The following SKIC2 variants were observed in gnomAD, a reference collection of about 807,000 sequenced individuals.
SKIC2 encodes superkiller complex protein 2.
At chr6:31,963,997 C>T in the SKIC2 span, 80 of 1,612,484 alleles carry the variant, frequency 5.0e-5, no homozygotes, top group Non-Finnish European at 6.3e-5. The surrounding 1 kb of genome is among the most constrained non-coding windows in gnomAD (Gnocchi z 5.3). Context: ...CTCCCGGGGC[C>T]GCTGTGATGA....
the SKIC2 span, chr6:31,959,642 G>A: frequency 3.6e-6 from 2 of 557,156 alleles, no homozygotes; most frequent in African/African-American, 3.8e-5. Context: ...TTTCTCCGTG[G>A]AGCTCCCTTC....
the SKIC2 span, chr6:31,969,335 G>C: frequency 6.2e-7 from 1 of 1,614,268 alleles, no homozygotes; most frequent in South Asian, 1.1e-5. The surrounding 1 kb of genome is among the most constrained non-coding windows in gnomAD (Gnocchi z 6.1). Flanking sequence ...CAGGTGGCTT[G>C]TGGCCTGAAC....
At chr6:31,961,325 C>T in the SKIC2 span, 6 of 1,592,842 alleles carry the variant, frequency 3.8e-6, no homozygotes, top group Non-Finnish European at 4.3e-6. Flanking sequence ...GACACTGTTT[C>T]AGCCTCTCCC....
At chr6:31,961,216 G>A in the SKIC2 span, 4 of 1,613,994 alleles carry the variant, frequency 2.5e-6, no homozygotes, top group African/African-American at 4.0e-5. Context: ...TCCAGCTCCT[G>A]GACTACTAAG....
At chr6:31,968,253 G>A in the SKIC2 span, 11 of 1,452,172 alleles carry the variant, frequency 7.6e-6, no homozygotes, top group East Asian at 2.5e-4. This position sits in a 1 kb window ranked among gnomAD's most constrained non-coding sequence, Gnocchi z 6.1. Context: ...TAGTAAGAGG[G>A]CTTCCACAGC....
chr6:31,966,019 C>T, the SKIC2 span: 9 of 1,563,798 alleles, frequency 5.8e-6, no homozygotes, highest in East Asian at 2.3e-5. This position sits in a 1 kb window ranked among gnomAD's most constrained non-coding sequence, Gnocchi z 5.9. Context: ...TGATGGTGAG[C>T]GGGCCAGCAT....
the SKIC2 span, chr6:31,959,794 T>C: frequency 3.5e-6 from 2 of 577,074 alleles, no homozygotes; most frequent in Non-Finnish European, 3.1e-6. Flanking sequence ...AGGGAGCTTT[T>C]TAAAAATGCA....
At chr6:31,968,212 C>T in the SKIC2 span, 29 of 1,460,146 alleles carry the variant, frequency 2.0e-5, no homozygotes, top group Non-Finnish European at 2.6e-5. This position sits in a 1 kb window ranked among gnomAD's most constrained non-coding sequence, Gnocchi z 6.1. Flanking sequence ...GGGGCTCCCC[C>T]AGCCTAAGGG....
the SKIC2 span, chr6:31,969,646 C>G: frequency 6.2e-7 from 1 of 1,611,666 alleles, no homozygotes; most frequent in Non-Finnish European, 8.5e-7. This position sits in a 1 kb window ranked among gnomAD's most constrained non-coding sequence, Gnocchi z 6.1. Context: ...TGCTGGGTGC[C>G]AAGATGGAGA....
At chr6:31,967,567 G>T in the SKIC2 span, 12 of 917,106 alleles carry the variant, frequency 1.3e-5, no homozygotes, top group Non-Finnish European at 1.9e-5. This position sits in a 1 kb window ranked among gnomAD's most constrained non-coding sequence, Gnocchi z 4.9. Context: ...CAAGAAGTCT[G>T]CTCTGATCGC....
At chr6:31,965,834 A>G in the SKIC2 span, 3 of 1,612,878 alleles carry the variant, frequency 1.9e-6, no homozygotes, top group Admixed American at 3.3e-5. The surrounding 1 kb of genome is among the most constrained non-coding windows in gnomAD (Gnocchi z 5.6). Flanking sequence ...GCCTGCTCGT[A>G]CAGTAGTGTT....
chr6:31,959,924 G>A, the SKIC2 span: 1 of 980,004 alleles, frequency 1.0e-6, no homozygotes. Flanking sequence ...TGCCATTTCT[G>A]ATCTGAACAC....
At chr6:31,959,538 G>T in the SKIC2 span, 1 of 675,556 alleles carries the variant, frequency 1.5e-6, no homozygotes, top group Non-Finnish European at 2.7e-6. Flanking sequence ...GTGCTGGACA[G>T]ATTACAGCCC....
At chr6:31,967,871 G>A in the SKIC2 span, 2 of 1,612,948 alleles carry the variant, frequency 1.2e-6, no homozygotes, top group South Asian at 1.1e-5. The surrounding 1 kb of genome is among the most constrained non-coding windows in gnomAD (Gnocchi z 4.9). Context: ...AGGTGAGAGT[G>A]TGGCAGATGT....
chr6:31,960,596 G>A, the SKIC2 span: 32 of 1,580,948 alleles, frequency 2.0e-5, no homozygotes, highest in Non-Finnish European at 2.7e-5. Context: ...TTAATCTCCA[G>A]GGAAGGGTTC....
the SKIC2 span, chr6:31,967,999 G>A: frequency 1.2e-6 from 2 of 1,613,112 alleles, no homozygotes; most frequent in East Asian, 4.5e-5. The surrounding 1 kb of genome is among the most constrained non-coding windows in gnomAD (Gnocchi z 4.9). Context: ...CAGGAGATAT[G>A]GCTGCCATCA....
At chr6:31,963,970 G>T in the SKIC2 span, 2 of 1,612,358 alleles carry the variant, frequency 1.2e-6, no homozygotes, top group Non-Finnish European at 8.5e-7. The surrounding 1 kb of genome is among the most constrained non-coding windows in gnomAD (Gnocchi z 5.3). Context: ...CCAGTTGCCC[G>T]TGGTGGTGTT....
chr6:31,961,811 G>C, the SKIC2 span: 1 of 1,560,354 alleles, frequency 6.4e-7, no homozygotes, highest in East Asian at 2.3e-5. Flanking sequence ...GCCTCGGCTG[G>C]CTCCGGCCTT....
chr6:31,969,727 A>G, the SKIC2 span: 8 of 1,584,130 alleles, frequency 5.1e-6, no homozygotes, highest in South Asian at 1.2e-5. The surrounding 1 kb of genome is among the most constrained non-coding windows in gnomAD (Gnocchi z 6.1). Context: ...TGCCCCATGT[A>G]AAAACATGAT....
Sources: allele counts gnomAD v4.1 joint callset, GRCh38; gene constraint gnomAD v4.1.1; non-coding constraint Gnocchi (gnomAD v3.1); transcripts MANE v1.5; gene names NCBI Gene and HGNC (gene_info 2026-07-23, HGNC 2026-07-21).